The following EPHA5 variants were observed in gnomAD, a reference collection of about 807,000 sequenced individuals.
The protein encoded by EPHA5 is ephrin type-A receptor 5.
Under a neutral mutation model 105.0 loss-of-function variants are expected in EPHA5, and 60 were observed. The ratio of observed to expected loss-of-function variants is 0.57; its 90% confidence interval spans 0.46 to 0.71. The LOEUF (loss-of-function observed/expected upper bound fraction) is 0.71, where lower values mean the gene tolerates loss of function less well. EPHA5 is among the 30% of genes least tolerant of loss of function. EPHA5 has a pLI of 0.00. For synonymous variants in EPHA5, 513 were observed against 449.1 expected (o/e 1.14, Z -1.80); for missense variants, 1,218 against 1,274.7 (o/e 0.96, Z 0.68).
chr4:65,414,855 A>G (rs1723244808), intron 6 of EPHA5, among the ~76,000 whole-genome samples: 1 of 152,192 alleles, frequency 6.6e-6, no homozygotes, highest in Non-Finnish European at 1.5e-5. Context: ...AACATCTCCC[A>G]TTCTGTGAGG....
chr4:65,538,169 T>C (rs554591419), intron 3 of EPHA5, among the ~76,000 whole-genome samples: 13 of 151,674 alleles, frequency 8.6e-5, no homozygotes, highest in African/African-American at 1.2e-4. Context: ...AGAAGTAAAA[T>C]ACAAGGGAGG....
At chr4:65,439,104 C>G (rs892749630) in intron 5 of EPHA5, among the ~76,000 whole-genome samples, 2 of 152,082 alleles carry the variant, frequency 1.3e-5, no homozygotes, top group East Asian at 3.9e-4. Flanking sequence ...TAAGGAAAAA[C>G]TACAACTAGC....
At chr4:65,570,426 G>A (rs1399058671) in intron 3 of EPHA5, among the ~76,000 whole-genome samples, 1 of 137,420 alleles carries the variant, frequency 7.3e-6, no homozygotes. Context: ...TTAGTGTGAT[G>A]GCCTTGGTTT....
intron 14 of EPHA5, among the ~76,000 whole-genome samples, chr4:65,343,545 C>A (rs1306550278): frequency 6.6e-6 from 1 of 152,056 alleles, no homozygotes; most frequent in Admixed American, 6.6e-5. Context: ...TTTGAAATTG[C>A]CAAATCAGCA....
intron 6 of EPHA5, among the ~76,000 whole-genome samples, chr4:65,415,644 T>G (rs1415311387): frequency 1.3e-5 from 2 of 152,030 alleles, no homozygotes; most frequent in Non-Finnish European, 2.9e-5. Context: ...TGATCTTTAA[T>G]TTTTTAAACT....
chr4:65,550,376 G>T (rs1049822111), intron 3 of EPHA5, among the ~76,000 whole-genome samples: 1 of 151,964 alleles, frequency 6.6e-6, no homozygotes, highest in Non-Finnish European at 1.5e-5. Context: ...ATGTTAAAAT[G>T]AATATTTTAT....
At chr4:65,403,282 G>T (rs1022581183) in intron 8 of EPHA5, among the ~76,000 whole-genome samples, 1 of 152,098 alleles carries the variant, frequency 6.6e-6, no homozygotes, top group South Asian at 2.1e-4. Flanking sequence ...GCCCAATTCT[G>T]TATATTTATG....
chr4:65,387,833 A>C (rs1301348752), intron 8 of EPHA5, among the ~76,000 whole-genome samples: 1 of 151,374 alleles, frequency 6.6e-6, no homozygotes, highest in Non-Finnish European at 1.5e-5. Flanking sequence ...TTTTTTTATT[A>C]TACTTTAAGA....
At chr4:65,654,868 A>G (rs912768301) in intron 1 of EPHA5, among the ~76,000 whole-genome samples, 5 of 146,950 alleles carry the variant, frequency 3.4e-5, no homozygotes, top group South Asian at 4.2e-4. Context: ...ATTTTAATAT[A>G]TATTTATTTA....
Position 65,670,371 on chromosome 4 carries a change from G to C in EPHA5, c.-629C>G, listed in dbSNP as rs1427355922. On this transcript the variant is annotated 5_prime_UTR_variant, in exon 1 of 17. Coordinates refer to ENST00000613740, the MANE Select transcript of EPHA5 (RefSeq NM_001281766.3). ...GACGGCTGCCGGCCGGTAGGAGCGC[G>C]GAGCTGCGCTGCGGCGGCCCAGGAG... is the stretch of plus-strand genomic sequence containing the variant. 4.3e-6 allele frequency: 1 copy of C among 233,694 alleles called. No individual in the cohort carries two copies. The highest frequency in any genetic ancestry group is 2.2e-5 in the African/African-American group (1 of 45,368). 14.5% of individuals were successfully genotyped at this position (233,694 alleles called of 1,614,324 possible).
chr4:65,454,290 T>A (rs4272062), intron 5 of EPHA5, among the ~76,000 whole-genome samples: 32,397 of 143,908 alleles, frequency 0.23, 3,785 homozygotes, highest in Middle Eastern at 0.33. Context: ...CTAATAATAA[T>A]AAATAATAAT....
At chr4:65,649,719 T>G (rs1485168075) in intron 1 of EPHA5, among the ~76,000 whole-genome samples, 1 of 152,202 alleles carries the variant, frequency 6.6e-6, no homozygotes, top group Non-Finnish European at 1.5e-5. Flanking sequence ...ATTATTCTAT[T>G]AAAACTTCTG....
chr4:65,545,231 A>T (rs1041852397), intron 3 of EPHA5, among the ~76,000 whole-genome samples: 2 of 151,874 alleles, frequency 1.3e-5, no homozygotes, highest in Admixed American at 1.3e-4. Flanking sequence ...TATTTTTGCT[A>T]TCTTCCCTTC....
chr4:65,574,733 T>TATATAC (rs1740708255), intron 3 of EPHA5, among the ~76,000 whole-genome samples: 2 of 96,412 alleles, frequency 2.1e-5, no homozygotes, highest in South Asian at 3.0e-4. Context: ...TATATATACA[T>TATATAC]ATATATATAC....
rs74706831 is a variant in EPHA5 at position 65,335,840 on chromosome 4, G to A, written c.2789+92C>T. The A allele has an allele frequency of 2.7e-3, 3,468 of 1,285,174 alleles. 87 individuals carry two copies. The African/African-American group carries it at 0.047, about 17-fold the overall frequency. 79.6% of individuals were successfully genotyped at this position (1,285,174 alleles called of 1,614,324 possible). On this transcript the variant is annotated intron_variant, in intron 15 of 16. Coordinates refer to ENST00000613740, the MANE Select transcript of EPHA5 (RefSeq NM_001281766.3). ...GTGTCATATAGATTCACAGATTAATGTCTATACGAGAATGATTTAATTGAT... is the reference window on the plus strand; with the variant it reads ...GTGTCATATAGATTCACAGATTAATATCTATACGAGAATGATTTAATTGAT...
At chr4:65,542,220 A>T (rs1736910869) in intron 3 of EPHA5, among the ~76,000 whole-genome samples, 1 of 152,004 alleles carries the variant, frequency 6.6e-6, no homozygotes, top group South Asian at 2.1e-4. Flanking sequence ...AGCAGAAGAT[A>T]AGAAATAACT....
At chr4:65,581,085 C>G (rs1741573578) in intron 3 of EPHA5, among the ~76,000 whole-genome samples, 1 of 151,668 alleles carries the variant, frequency 6.6e-6, no homozygotes, top group African/African-American at 2.4e-5. Context: ...AAAGGTAAAC[C>G]AACCAATTAG....
At position 65,465,467 on chromosome 4, in the gene EPHA5, AAAAGAAAG is replaced by A. The variant is rs749079632; in HGVS notation, c.1402+24902_1402+24909del. Among the ~76,000 whole-genome samples the A allele has an allele frequency of 4.7e-3, 351 of 74,896 alleles. 7 individuals carry two copies. Among genetic ancestry groups the A allele is most frequent in the Middle Eastern group, 0.014 (2 of 148 alleles). 49.1% of individuals were successfully genotyped at this position (74,896 alleles called of 152,430 possible). A position where few individuals can be genotyped will look rare whatever the true frequency, so the allele number is the denominator to read the frequency against. On this transcript the variant is annotated intron_variant, in intron 5 of 16. Transcript: ENST00000613740. ...AAGAAAGAAAGAAAGAAAAGAAAGAAAAAGAAAGAAAGAAAGAAAGAAAGAAAGAAAGA... is the reference window on the plus strand; with the variant it reads ...AAGAAAGAAAGAAAGAAAAGAAAGAAAAAGAAAGAAAGAAAGAAAGAAAGA...
At chr4:65,473,509 G>T (rs1440138199) in intron 5 of EPHA5, among the ~76,000 whole-genome samples, 1 of 152,090 alleles carries the variant, frequency 6.6e-6, no homozygotes, top group African/African-American at 2.4e-5. Context: ...CATCTTAAAC[G>T]GTGACAGGCA....
Sources: gnomAD v4.1 joint callset for allele counts (sites outside exome capture counted in the v4.1 genomes callset) on GRCh38, gnomAD v4.1.1 for gene constraint, MANE v1.5 for transcripts, NCBI Gene and HGNC (gene_info 2026-07-23, HGNC 2026-07-21) for gene names.